Variants in CYP4Z1 observed in about 807,000 individuals in gnomAD.
CYP4Z1 encodes the protein cytochrome P450 family 4 subfamily Z member 1.
In CYP4Z1, 41 loss-of-function variants were observed where a neutral mutation model predicts 54.2. The observed-to-expected ratio is 0.76, with a 90% CI of 0.59 to 0.98. The LOEUF is 0.98. Among genes scored for constraint, CYP4Z1 ranks in the 50% least tolerant of loss-of-function variants. The pLI is 0.00. For missense variants in CYP4Z1, 513 were observed against 599.0 expected, an observed-to-expected ratio of 0.86 and a Z score of 1.50; for synonymous variants, 163 against 206.2, an observed-to-expected ratio of 0.79 and a Z score of 1.79.
chr1:47,078,272 T>A (rs9659664), intron 2 of CYP4Z1, among the ~76,000 whole-genome samples: 49 of 152,168 alleles, frequency 3.2e-4, no homozygotes, highest in African/African-American at 1.1e-3. Context: ...AATTGACCTA[T>A]CTCCAACTTT....
intron 2 of CYP4Z1, among the ~76,000 whole-genome samples, chr1:47,077,995 A>G (rs533469147): frequency 6.6e-6 from 1 of 152,166 alleles, no homozygotes; most frequent in South Asian, 2.1e-4. Context: ...GGTTTTTGGT[A>G]TGGTAACATT....
Position 47,117,751 on chromosome 1 carries a change from T to C in CYP4Z1, c.1350-15T>C, listed in dbSNP as rs772315587. The C allele has an allele frequency of 1.4e-5, 22 of 1,592,790 alleles. No homozygotes were observed. The Admixed American group carries it at 3.4e-4, about 25-fold the overall frequency. On this transcript the variant is annotated splice_polypyrimidine_tract_variant and intron_variant, in intron 11 of 11. Transcript: ENST00000334194. ...AATTCATTAGATGCCATGTTTTCTTTCTTGGTATCCCCAGGAACTGCATTG... is the reference window on the plus strand; with the variant it reads ...AATTCATTAGATGCCATGTTTTCTTCCTTGGTATCCCCAGGAACTGCATTG...
intron 11 of CYP4Z1, 45 bp downstream of exon 11, chr1:47,116,777 C>T: frequency 7.1e-7 from 1 of 1,414,660 alleles, no homozygotes; most frequent in Non-Finnish European, 9.8e-7. Flanking sequence ...TGTAATAGTG[C>T]TTACCTGACA....
Position 47,117,760 on chromosome 1 carries a change from C to A in CYP4Z1, c.1350-6C>A. The A allele has an allele frequency of 6.2e-7, 1 of 1,606,252 alleles. No homozygotes were observed. The highest frequency in any genetic ancestry group is 8.5e-7 in the Non-Finnish European group (1 of 1,175,840). ...GATGCCATGTTTTCTTTCTTGGTAT[C>A]CCCAGGAACTGCATTGGGCAGCATT... On this transcript the variant is annotated splice_region_variant and splice_polypyrimidine_tract_variant and intron_variant, in intron 11 of 11. Transcript: ENST00000334194.
At chr1:47,096,792 T>A (rs752501239) in intron 7 of CYP4Z1, 1 of 152,012 alleles carries the variant, frequency 6.6e-6, no homozygotes, top group Non-Finnish European at 1.5e-5. Flanking sequence ...CATGCCTGGC[T>A]AATATTTTTG....
At chr1:47,060,731 C>A in the CYP4Z1 span, among the ~76,000 whole-genome samples, 3 of 152,134 alleles carry the variant, frequency 2.0e-5, no homozygotes, top group African/African-American at 7.2e-5. Flanking sequence ...GACTCTCTAT[C>A]CCAAAACAGC....
At chr1:47,117,269 G>C (rs902104388) in intron 11 of CYP4Z1, among the ~76,000 whole-genome samples, 3 of 152,150 alleles carry the variant, frequency 2.0e-5, no homozygotes, top group Admixed American at 1.3e-4. Context: ...TATAAGGAAG[G>C]TTTTCAAGTT....
intron 6 of CYP4Z1, among the ~76,000 whole-genome samples, chr1:47,087,325 G>T (rs148810347): frequency 0.42 from 64,124 of 151,838 alleles, 14,914 homozygotes; most frequent in East Asian, 0.96. Context: ...TCCTACCCAT[G>T]AGCATGGAAT....
rs3066524 is a variant in CYP4Z1 at position 47,079,868 on chromosome 1, G to GGA, written c.320-734_320-733dup. ...TTTATATTGAAGTCTATGGACAGAG[G>GGA]GAGAGAGAGAGAGAGAGAGAGAATA... On this transcript the variant is annotated intron_variant, in intron 2 of 11. Coordinates refer to ENST00000334194, the MANE Select transcript of CYP4Z1 (RefSeq NM_178134.3). Among the ~76,000 whole-genome samples the GGA allele has an allele frequency of 1.3e-3, 141 of 106,010 alleles. 6 individuals carry two copies. The highest frequency in any genetic ancestry group is 1.2e-3 in the Non-Finnish European group (67 of 53,796). 69.5% of individuals were successfully genotyped at this position (106,010 alleles called of 152,430 possible).
At chr1:47,094,379 AAAAG>A (rs1255549588) in intron 6 of CYP4Z1, among the ~76,000 whole-genome samples, 183 bp from the exon 7 acceptor site, 1 of 151,188 alleles carries the variant, frequency 6.6e-6, no homozygotes, top group Non-Finnish European at 1.5e-5. Flanking sequence ...AATTGTGGCT[AAAAG>A]GTGGGATGGG....
chr1:47,115,882 T>C (rs1175619990), intron 10 of CYP4Z1, among the ~76,000 whole-genome samples: 2 of 152,256 alleles, frequency 1.3e-5, no homozygotes, highest in Non-Finnish European at 2.9e-5. Flanking sequence ...TCTGCTTTCA[T>C]TCATGTCTGT....
At chr1:47,104,688 T>C (rs929195658) in intron 8 of CYP4Z1, among the ~76,000 whole-genome samples, 2 of 152,002 alleles carry the variant, frequency 1.3e-5, no homozygotes, top group African/African-American at 4.8e-5. Flanking sequence ...CAGGTGCCAA[T>C]GATAGACTGG....
chr1:47,065,956 T>C (rs1644447381), upstream of CYP4Z1, among the ~76,000 whole-genome samples: 1 of 152,028 alleles, frequency 6.6e-6, no homozygotes, highest in South Asian at 2.1e-4. Context: ...CCTGAAAATA[T>C]ACCACCCTCC....
intron 2 of CYP4Z1, among the ~76,000 whole-genome samples, chr1:47,076,182 A>G (rs1302627536): frequency 3.4e-5 from 5 of 145,498 alleles, no homozygotes; most frequent in African/African-American, 2.6e-5. Flanking sequence ...ACTTTTCTTC[A>G]TAGTTCATCT....
At chr1:47,087,262 T>C (rs1315766823) in intron 6 of CYP4Z1, among the ~76,000 whole-genome samples, 1 of 152,216 alleles carries the variant, frequency 6.6e-6, no homozygotes, top group Non-Finnish European at 1.5e-5. Flanking sequence ...GGGGATGGCA[T>C]TGAATGTATA....
At chr1:47,068,531 A>T in intron 1 of CYP4Z1, 91 bp from the exon 2 acceptor site, 1 of 1,512,930 alleles carries the variant, frequency 6.6e-7, no homozygotes, top group Non-Finnish European at 9.0e-7. Context: ...GTGTCCACAG[A>T]TCCTCAACTT....
chr1:47,110,692 G>A (rs1644786817), intron 9 of CYP4Z1, among the ~76,000 whole-genome samples: 1 of 151,930 alleles, frequency 6.6e-6, no homozygotes, highest in South Asian at 2.1e-4. Context: ...ATCTTGGTGA[G>A]ACTTCCAGAA....
intron 11 of CYP4Z1, 68 bp downstream of exon 11, chr1:47,116,800 C>T: frequency 8.4e-7 from 1 of 1,195,312 alleles, no homozygotes; most frequent in Non-Finnish European, 1.2e-6. Flanking sequence ...TGCTTCTTCC[C>T]TTCAGGCCCT....
At chr1:47,076,162 G>T (rs1644519312) in intron 2 of CYP4Z1, among the ~76,000 whole-genome samples, 1 of 141,142 alleles carries the variant, frequency 7.1e-6, no homozygotes, top group South Asian at 2.5e-4. Context: ...GTAGTAACTT[G>T]ATTCTTCTCA....
Sources: allele counts gnomAD v4.1 joint callset (sites outside exome capture counted in the v4.1 genomes callset), GRCh38; gene constraint gnomAD v4.1.1; transcripts MANE v1.5; gene names NCBI Gene and HGNC (gene_info 2026-07-23, HGNC 2026-07-21).